Variants in CDH9 observed in about 807,000 individuals in gnomAD.
The protein encoded by CDH9 is cadherin 9, also known as cadherin-9.
A neutral mutation model predicts 70.9 loss-of-function variants in CDH9; 28 were observed. The ratio of observed to expected loss-of-function variants is 0.40; its 90% CI spans 0.29 to 0.54. The LOEUF (loss-of-function observed/expected upper bound fraction) is 0.54, where lower values mean the gene tolerates loss of function less well. Among genes scored for constraint, CDH9 ranks in the 20% least tolerant of loss-of-function variants. The pLI, the probability that CDH9 is intolerant of heterozygous loss-of-function variation, is 0.59. For missense variants in CDH9, 874 were observed against 984.4 expected (o/e 0.89, Z 1.50); for synonymous variants, 409 against 343.1 (o/e 1.19, Z -2.12).
intron 1 of CDH9, among the ~76,000 whole-genome samples, chr5:27,017,529 G>C (rs1047145976): frequency 6.6e-6 from 1 of 151,920 alleles, no homozygotes; most frequent in Non-Finnish European, 1.5e-5. Context: ...TAGGTGAAAA[G>C]CCTGTTCACA....
At chr5:27,022,478 T>C (rs1335418431) in intron 1 of CDH9, among the ~76,000 whole-genome samples, 1 of 152,232 alleles carries the variant, frequency 6.6e-6, no homozygotes, top group Non-Finnish European at 1.5e-5. Flanking sequence ...CACAATGTTA[T>C]AGTTGCATAA....
intron 2 of CDH9, among the ~76,000 whole-genome samples, chr5:26,984,017 C>T (rs987499614): frequency 6.6e-6 from 1 of 152,052 alleles, no homozygotes. Context: ...CAGATTCCTA[C>T]CAATTTTTCT....
chr5:26,927,209 A>G (rs1186756559), intron 2 of CDH9, among the ~76,000 whole-genome samples: 1 of 151,974 alleles, frequency 6.6e-6, no homozygotes, highest in African/African-American at 2.4e-5. Context: ...ACATCCCTTC[A>G]TGATAAAAAC....
intron 11 of CDH9, 120 bp from the exon 12 acceptor site, chr5:26,881,743 T>A: frequency 1.2e-6 from 1 of 859,020 alleles, no homozygotes; most frequent in Non-Finnish European, 1.8e-6. Context: ...TAAAAAGAAT[T>A]AACTACCCTG....
intron 3 of CDH9, among the ~76,000 whole-genome samples, chr5:26,911,975 C>A (rs921460218): frequency 8.6e-5 from 13 of 151,880 alleles, no homozygotes; most frequent in African/African-American, 2.9e-4. Flanking sequence ...GAAACAAATA[C>A]TTTAAGAAAT....
intron 2 of CDH9, among the ~76,000 whole-genome samples, chr5:26,916,676 GA>G (rs1306992920): frequency 6.6e-6 from 1 of 151,832 alleles, no homozygotes; most frequent in East Asian, 1.9e-4. Context: ...TAAAACCTCA[GA>G]AAGTGAAACC....
chr5:26,915,576 A>G, intron 3 of CDH9, 54 bp downstream of exon 3: 1 of 1,006,124 alleles, frequency 9.9e-7, no homozygotes, highest in African/African-American at 1.6e-5. Context: ...AATAATAATT[A>G]CCTGAGCAAA....
intron 2 of CDH9, among the ~76,000 whole-genome samples, chr5:26,928,947 G>C (rs1188984049): frequency 6.6e-6 from 1 of 151,862 alleles, no homozygotes; most frequent in Non-Finnish European, 1.5e-5. Context: ...AATTAGTTAA[G>C]CAATACACCA....
rs1272867474 is a variant in CDH9 at position 26,967,132 on chromosome 5, T to A, written c.228+20974A>T. Among the ~76,000 whole-genome samples the A allele has an allele frequency of 5.3e-5, 8 of 152,084 alleles. No individual in the cohort carries two copies. In the South Asian group the frequency reaches 1.7e-3, roughly 32 times the overall value. ...TTTTATTTTTATTTTATTTTATTTT[T>A]TTGTGGATACAGGTTCTCACTACCT... On this transcript the variant is annotated intron_variant, in intron 2 of 11. Transcript: ENST00000231021.
rs114883214 is a variant in CDH9 at position 27,029,006 on chromosome 5, C to T, written c.-50+9457G>A. 4.6e-3 allele frequency among the ~76,000 whole-genome samples: 695 copies of T among 151,888 alleles called. 8 individuals are homozygous for T. Among genetic ancestry groups the T allele is most frequent in the African/African-American group, 0.016 (666 of 41,452 alleles). On this transcript the variant is annotated intron_variant, in intron 1 of 11. Transcript: ENST00000231021. ...ATGGCAAAAGAGGTATTAATTTTCTCAAGAAGAATGATCCAAGGACTAAAT... is the reference window on the plus strand; with the variant it reads ...ATGGCAAAAGAGGTATTAATTTTCTTAAGAAGAATGATCCAAGGACTAAAT...
intron 3 of CDH9, among the ~76,000 whole-genome samples, chr5:26,914,269 C>A (rs867163464): frequency 6.6e-6 from 1 of 151,740 alleles, no homozygotes; most frequent in Non-Finnish European, 1.5e-5. Flanking sequence ...AACAGAATTA[C>A]TTTAAAATAA....
intron 2 of CDH9, among the ~76,000 whole-genome samples, chr5:26,975,123 A>G (rs575209665): frequency 9.2e-5 from 14 of 152,184 alleles, no homozygotes; most frequent in Non-Finnish European, 2.1e-4. Context: ...AAGTGCTCAC[A>G]GAATTGCCCT....
intron 1 of CDH9, among the ~76,000 whole-genome samples, chr5:27,020,161 CCTA>C (rs1475360255): frequency 2.0e-5 from 3 of 151,342 alleles, no homozygotes; most frequent in Non-Finnish European, 4.4e-5. Flanking sequence ...ATCTGAATTG[CCTA>C]CTATGTTATT....
chr5:26,962,133 ATG>A (rs1247742976), intron 2 of CDH9, among the ~76,000 whole-genome samples: 1 of 152,080 alleles, frequency 6.6e-6, no homozygotes, highest in Non-Finnish European at 1.5e-5. Context: ...AGCATCATCT[ATG>A]TCCCTGCAAA....
rs745522675 is a variant in CDH9 at position 26,903,742 on chromosome 5, C to A, written c.894G>T (p.Gly298=). 2.5e-6 allele frequency: 4 copies of A among 1,607,916 alleles called. No individual in the cohort carries two copies. The highest frequency in any genetic ancestry group is 3.4e-6 in the Non-Finnish European group (4 of 1,176,044). ...TGCTATACTCCATTTCTGCATTTTC[C>A]CCCACGTCAGGGTCATTGGCTTTTA... is the stretch of plus-strand genomic sequence containing the variant. ...GRIKANDPDV[G]ENAEMEYSIA... is the part of the protein sequence containing the mutation. The change falls in exon 6 of 12, where the codon GGG becomes GGT. Residue 298 remains glycine (G), a synonymous_variant. Coordinates refer to ENST00000231021, the MANE Select transcript of CDH9 (RefSeq NM_016279.4).
At chr5:26,913,696 T>C (rs1741094128) in intron 3 of CDH9, among the ~76,000 whole-genome samples, 1 of 152,156 alleles carries the variant, frequency 6.6e-6, no homozygotes, top group East Asian at 1.9e-4. Flanking sequence ...AACTTATATA[T>C]TGTATATTTT....
intron 1 of CDH9, among the ~76,000 whole-genome samples, chr5:27,020,886 C>A (rs953954649): frequency 2.6e-5 from 4 of 151,534 alleles, no homozygotes; most frequent in Non-Finnish European, 5.9e-5. Context: ...TATTTTAAAA[C>A]CCTCATACAA....
At chr5:26,912,131 T>C (rs966585626) in intron 3 of CDH9, among the ~76,000 whole-genome samples, 1 of 152,126 alleles carries the variant, frequency 6.6e-6, no homozygotes, top group African/African-American at 2.4e-5. Context: ...TTTTTAACTC[T>C]TTGATTTAAA....
intron 2 of CDH9, among the ~76,000 whole-genome samples, chr5:26,949,761 A>G (rs1234748567): frequency 6.6e-6 from 1 of 152,204 alleles, no homozygotes; most frequent in Non-Finnish European, 1.5e-5. Flanking sequence ...TTGTTAACAC[A>G]AATAAGGACA....
Sources: gnomAD v4.1 joint callset for allele counts (sites outside exome capture counted in the v4.1 genomes callset) on GRCh38, gnomAD v4.1.1 for gene constraint, MANE v1.5 for transcripts, NCBI Gene and HGNC (gene_info 2026-07-23, HGNC 2026-07-21) for gene names.